The following TMEM108 variants were observed in gnomAD, a reference collection of about 807,000 sequenced individuals.
TMEM108 encodes cancer/testis antigen 124.
A neutral mutation model predicts 35.1 loss-of-function variants in TMEM108; 12 were observed. The observed-to-expected ratio is 0.34, with a 90% CI of 0.22 to 0.55. The LOEUF (loss-of-function observed/expected upper bound fraction) is 0.55. Among genes scored for constraint, TMEM108 ranks in the 20% least tolerant of loss-of-function variants. The pLI is 0.89. For synonymous variants in TMEM108, 287 were observed against 308.6 expected (o/e 0.93, Z 0.73); for missense variants, 680 against 753.3 (o/e 0.90, Z 1.14).
At position 133,381,119 on chromosome 3, in the gene TMEM108, G is replaced by A. The variant is rs751230151; in HGVS notation, c.1408G>A (p.Ala470Thr). The change falls in exon 4 of 6, where the codon GCC (alanine) becomes ACC (threonine). Residue 470 changes from alanine (A) to threonine (T), a missense_variant. Coordinates refer to ENST00000321871, the MANE Select transcript of TMEM108 (RefSeq NM_023943.4). ...CATCTGCCTGAGCAAGATGGATATCGCCTGGGTGATCCTGGCCATCAGCGT... is the reference window on the plus strand; with the variant it reads ...CATCTGCCTGAGCAAGATGGATATCACCTGGGTGATCCTGGCCATCAGCGT... ...ATICLSKMDI[A>T]WVILAISVPI... The A allele has an allele frequency of 1.7e-5, 28 of 1,611,354 alleles. No homozygotes were observed. Among genetic ancestry groups the A allele is most frequent in the South Asian group, 5.5e-5 (5 of 90,920 alleles).
intron 2 of TMEM108, among the ~76,000 whole-genome samples, chr3:133,056,779 A>G (rs528146541): frequency 2.6e-5 from 4 of 152,326 alleles, no homozygotes; most frequent in African/African-American, 9.6e-5. Context: ...GTCCTGGTAT[A>G]TCTGCCCATA....
In TMEM108 at chr3:133,380,270, C is replaced by G; in HGVS notation, c.559C>G (p.Pro187Ala). 16 of 1,614,086 alleles carry G rather than the reference C, an allele frequency of 9.9e-6. No individual in the cohort carries two copies. Among genetic ancestry groups the G allele is most frequent in the Non-Finnish European group, 1.1e-5 (13 of 1,179,990 alleles). The change falls in exon 4 of 6, where the codon CCT becomes GCT. Residue 187 changes from proline (P) to alanine (A), a missense_variant. Around this residue, in one of 3 missense-constraint regions of TMEM108, gnomAD observed 526 missense variants for 532.1 expected, o/e 0.99. Coordinates refer to ENST00000321871, the MANE Select transcript of TMEM108 (RefSeq NM_023943.4). This position sits in a 1 kb window ranked among gnomAD's most constrained non-coding sequence, Gnocchi z 5.3. ...TTCATCACGCCCTGTCCCGCCTGCACCTGGTGGCCACTCCAGGAGTAAAGA... is the reference window on the plus strand; with the variant it reads ...TTCATCACGCCCTGTCCCGCCTGCAGCTGGTGGCCACTCCAGGAGTAAAGA... ...GNSSRPVPPAPGGHSRSKEGQ... is the reference protein window; with the variant it reads ...GNSSRPVPPAAGGHSRSKEGQ...
At chr3:133,169,872 A>G (rs1407711376) in intron 2 of TMEM108, among the ~76,000 whole-genome samples, 1 of 152,204 alleles carries the variant, frequency 6.6e-6, no homozygotes, top group African/African-American at 2.4e-5. Flanking sequence ...TGATGCGAAC[A>G]AAAGATGGTG....
rs1397060412 is a variant in TMEM108 at position 133,056,159 on chromosome 3, C to T, written c.-47+10139C>T. Among the ~76,000 whole-genome samples the T allele has an allele frequency of 2.4e-5, 3 of 123,294 alleles. No homozygotes were observed. In the East Asian group the frequency reaches 7.7e-4, roughly 31 times the overall value. The allele number at this position is 123,294 out of a possible 152,430, so 80.9% of individuals were successfully genotyped here. The stretch of plus-strand genomic sequence containing the variant: ...GAGTTCTATGGTTCCCACCTGGCTG[C>T]AGGACAAGGTGCTTTATAAGTTGGC... On this transcript the variant is annotated intron_variant, in intron 2 of 5. Transcript: ENST00000321871.
intron 3 of TMEM108, among the ~76,000 whole-genome samples, chr3:133,291,196 C>G (rs1191656719): frequency 1.3e-5 from 2 of 151,832 alleles, no homozygotes; most frequent in East Asian, 3.9e-4. Flanking sequence ...TTCTGTCACC[C>G]TATAAAGCCC....
intron 3 of TMEM108, among the ~76,000 whole-genome samples, chr3:133,261,445 G>A (rs1046768541): frequency 2.0e-5 from 3 of 152,150 alleles, no homozygotes; most frequent in Non-Finnish European, 2.9e-5. Context: ...AAAGAAAGCA[G>A]ACATCGTCAC....
intron 2 of TMEM108, among the ~76,000 whole-genome samples, chr3:133,071,516 T>C (rs972648069): frequency 6.6e-6 from 1 of 152,214 alleles, no homozygotes; most frequent in Non-Finnish European, 1.5e-5. Context: ...AACATGTAAA[T>C]TGGGGCAGGA....
chr3:133,142,742 A>T (rs1020497904), intron 2 of TMEM108, among the ~76,000 whole-genome samples: 1 of 152,212 alleles, frequency 6.6e-6, no homozygotes, highest in Non-Finnish European at 1.5e-5. Flanking sequence ...CTCATTAGGG[A>T]TTCTACTTGA....
chr3:133,395,865 A>T lies in TMEM108; in HGVS notation c.1607A>T (p.Asp536Val). The T allele has an allele frequency of 6.3e-7, 1 of 1,582,704 alleles. No individual in the cohort carries two copies. The highest frequency in any genetic ancestry group is 8.6e-7 in the Non-Finnish European group (1 of 1,165,394). Residue 536 changes from aspartate (D) to valine (V), a missense_variant and splice_region_variant, in exon 6 of 6, where the codon GAC becomes GTC. By Grantham distance (152) the Asp-to-Val change is radical (BLOSUM62 -3). Coordinates refer to ENST00000321871, the MANE Select transcript of TMEM108 (RefSeq NM_023943.4). Reference sequence around the variant, plus strand: ...CATCTCCTCCCTCTCTCTTCCCAGGACCAGCTCTCAGAGCCCCGCTCCCCA... The same window carrying T: ...CATCTCCTCCCTCTCTCTTCCCAGGTCCAGCTCTCAGAGCCCCGCTCCCCA... ...REIQSLETSEDQLSEPRSPAN... is the reference protein window; with the variant it reads ...REIQSLETSEVQLSEPRSPAN...
intron 2 of TMEM108, among the ~76,000 whole-genome samples, chr3:133,185,416 T>C (rs1429971006): frequency 6.8e-6 from 1 of 146,812 alleles, no homozygotes; most frequent in Non-Finnish European, 1.5e-5. Flanking sequence ...CTTCTGCCTA[T>C]CTCCAAAGAT....
At position 133,380,611 on chromosome 3, in the gene TMEM108, C is replaced by T; in HGVS notation, c.900C>T (p.Ala300=). 1.2e-6 allele frequency: 2 copies of T among 1,613,492 alleles called. No homozygotes were observed. The highest frequency in any genetic ancestry group is 1.7e-6 in the Non-Finnish European group (2 of 1,179,686). The change falls in exon 4 of 6, where the codon GCC becomes GCT. Residue 300 remains alanine (A), a synonymous_variant. Coordinates refer to ENST00000321871, the MANE Select transcript of TMEM108 (RefSeq NM_023943.4). The surrounding 1 kb of genome is among the most constrained non-coding windows in gnomAD (Gnocchi z 5.3). ...TFTSQGGTPD[A]TAASGAPVSP... ...CCAGCCAAGGAGGGACACCAGATGC[C>T]ACAGCAGCCTCAGGTGCCCCTGTCA...
chr3:133,272,883 G>A (rs544736699), intron 3 of TMEM108, among the ~76,000 whole-genome samples: 3 of 152,172 alleles, frequency 2.0e-5, no homozygotes, highest in African/African-American at 4.8e-5. Context: ...CACTTAATGG[G>A]CAGATGCCAG....
chr3:133,252,631 T>C (rs1480642400), intron 3 of TMEM108, among the ~76,000 whole-genome samples: 1 of 151,740 alleles, frequency 6.6e-6, no homozygotes, highest in Non-Finnish European at 1.5e-5. Context: ...AGGAAGAGAG[T>C]TTGAGAGTAT....
intron 2 of TMEM108, among the ~76,000 whole-genome samples, chr3:133,099,075 CTTT>C (rs2107713583): frequency 6.6e-6 from 1 of 152,344 alleles, no homozygotes; most frequent in East Asian, 1.9e-4. Context: ...CTGCAGCAAA[CTTT>C]TGCCTGAGCA....
chr3:133,239,550 T>G (rs1438533546), intron 3 of TMEM108, among the ~76,000 whole-genome samples: 1 of 152,206 alleles, frequency 6.6e-6, no homozygotes, highest in Non-Finnish European at 1.5e-5. Flanking sequence ...GGTCACTAGC[T>G]TTGATCTCTG....
chr3:133,201,694 C>T (rs1053954225), intron 2 of TMEM108, among the ~76,000 whole-genome samples: 2 of 152,232 alleles, frequency 1.3e-5, no homozygotes, highest in South Asian at 4.2e-4. Context: ...TTTATCTAGT[C>T]TATCATTGAT....
intron 3 of TMEM108, among the ~76,000 whole-genome samples, chr3:133,378,806 T>C (rs1244115149): frequency 1.6e-5 from 2 of 122,258 alleles, no homozygotes; most frequent in African/African-American, 8.2e-5. Context: ...CAAAATCCTT[T>C]TTTTTTTTTT....
At chr3:133,305,930 G>T (rs2071028548) in intron 3 of TMEM108, among the ~76,000 whole-genome samples, 1 of 151,858 alleles carries the variant, frequency 6.6e-6, no homozygotes, top group African/African-American at 2.4e-5. Flanking sequence ...TTTAATTGGG[G>T]TGTAAGAGCC....
chr3:133,205,549 TC>T (rs752054253), intron 2 of TMEM108, among the ~76,000 whole-genome samples: 11 of 152,202 alleles, frequency 7.2e-5, no homozygotes, highest in Non-Finnish European at 1.2e-4. Flanking sequence ...ATTTTATTTC[TC>T]CTTCGCTTCT....
Sources: allele counts gnomAD v4.1 joint callset (sites outside exome capture counted in the v4.1 genomes callset), GRCh38; gene constraint gnomAD v4.1.1; regional missense constraint gnomAD v4.1.1; non-coding constraint Gnocchi (gnomAD v3.1); transcripts MANE v1.5; gene names NCBI Gene and HGNC (gene_info 2026-07-23, HGNC 2026-07-21).